Variants in FRMPD1 observed in about 807,000 individuals in gnomAD.
FRMPD1 encodes the protein FERM and PDZ domain-containing protein 1.
In FRMPD1, 76 loss-of-function variants were observed where a neutral mutation model predicts 117.8. The observed-to-expected ratio is 0.65, with a 90% CI of 0.54 to 0.78. The LOEUF (loss-of-function observed/expected upper bound fraction) is 0.78, where lower values mean the gene tolerates loss of function less well. Among genes scored for constraint, FRMPD1 ranks in the 30% least tolerant of loss-of-function variants. The pLI, the probability that FRMPD1 is intolerant of heterozygous loss-of-function variation, is 0.00. For synonymous variants in FRMPD1, 783 were observed against 770.4 expected, an observed-to-expected ratio of 1.02 and a Z score of -0.27; for missense variants, 1,786 against 1,964.5, an observed-to-expected ratio of 0.91 and a Z score of 1.72.
intron 1 of FRMPD1, among the ~76,000 whole-genome samples, chr9:37,681,176 G>A (rs1821716423): frequency 1.4e-5 from 2 of 139,276 alleles, no homozygotes; most frequent in South Asian, 4.4e-4. Context: ...TGGGGCCACT[G>A]CACTCCAGCC....
At position 37,744,377 on chromosome 9, in the gene FRMPD1, C is replaced by G; in HGVS notation, c.2357-12C>G. ...GTGCTTTTTAATGTATTTTTTCTTT[C>G]CTGACTCCCAGGGCCCAGAGATGTT... On this transcript the variant is annotated splice_polypyrimidine_tract_variant and intron_variant, in intron 15 of 15. Coordinates refer to ENST00000377765, the MANE Select transcript of FRMPD1 (RefSeq NM_014907.3). 2 of 1,554,764 alleles carry G rather than the reference C, an allele frequency of 1.3e-6. No homozygotes were observed. Among genetic ancestry groups the G allele is most frequent in the Non-Finnish European group, 1.7e-6 (2 of 1,151,480 alleles).
At chr9:37,707,603 G>T in intron 3 of FRMPD1, 30 bp downstream of exon 3, 1 of 1,597,358 alleles carries the variant, frequency 6.3e-7, no homozygotes, top group South Asian at 1.1e-5. Flanking sequence ...TGAGAAAGGA[G>T]TTTGGTTTCT....
intron 2 of FRMPD1, among the ~76,000 whole-genome samples, chr9:37,706,836 C>T (rs943709348): frequency 2.5e-4 from 38 of 152,180 alleles, no homozygotes; most frequent in Non-Finnish European, 1.5e-5. Context: ...CTGACAACTC[C>T]TTGTTTCTGC....
chr9:37,649,225 T>G (rs1732669467), upstream of FRMPD1, among the ~76,000 whole-genome samples: 1 of 152,258 alleles, frequency 6.6e-6, no homozygotes, highest in African/African-American at 2.4e-5. Flanking sequence ...GATTAATCTT[T>G]ATCTACAAAA....
At chr9:37,669,021 A>T (rs536272295) in intron 1 of FRMPD1, among the ~76,000 whole-genome samples, 2 of 152,144 alleles carry the variant, frequency 1.3e-5, no homozygotes, top group Non-Finnish European at 2.9e-5. Flanking sequence ...AGATGGTGCA[A>T]TGATGTCCTG....
the FRMPD1 span, among the ~76,000 whole-genome samples, chr9:37,627,168 T>C: frequency 6.6e-6 from 1 of 152,168 alleles, no homozygotes; most frequent in Non-Finnish European, 1.5e-5. Flanking sequence ...TAAAGTCCTC[T>C]GCCTTCCATC....
intron 4 of FRMPD1, 74 bp from the exon 5 acceptor site, chr9:37,711,276 C>CGTGA: frequency 1.1e-6 from 1 of 936,100 alleles, no homozygotes; most frequent in Non-Finnish European, 1.8e-6. Context: ...CACATGCTCA[C>CGTGA]ACATGTATGC....
At chr9:37,664,309 T>G (rs542829406) in intron 1 of FRMPD1, among the ~76,000 whole-genome samples, 45 of 152,020 alleles carry the variant, frequency 3.0e-4, no homozygotes, top group African/African-American at 7.7e-4. Context: ...ATGTATGTAT[T>G]TATTTATTTA....
At chr9:37,637,093 C>G in the FRMPD1 span, 1 of 1,580,922 alleles carries the variant, frequency 6.3e-7, no homozygotes, top group Middle Eastern at 1.7e-4. Context: ...AGAACCGTTC[C>G]TGGCCCGCCG....
At chr9:37,627,911 G>C in the FRMPD1 span, among the ~76,000 whole-genome samples, 1 of 152,142 alleles carries the variant, frequency 6.6e-6, no homozygotes, top group African/African-American at 2.4e-5. Flanking sequence ...GCCCACCCAG[G>C]TTTAAATTCA....
At chr9:37,709,913 C>T (rs188708487) in intron 4 of FRMPD1, among the ~76,000 whole-genome samples, 1 of 152,298 alleles carries the variant, frequency 6.6e-6, no homozygotes, top group Admixed American at 6.5e-5. Context: ...GGCTTCTGAG[C>T]AGGGATGCAT....
At chr9:37,631,854 T>C in the FRMPD1 span, among the ~76,000 whole-genome samples, 1 of 152,220 alleles carries the variant, frequency 6.6e-6, no homozygotes. Flanking sequence ...TCCTCCCACC[T>C]TAACCTCTCA....
chr9:37,746,462 T>G lies in FRMPD1; in HGVS notation c.4430T>G (p.Ile1477Ser), dbSNP rs764985836. ...CTCCTGTCGAGCTGTCGGCATGTGA[T>G]CAGAATGGACCAGTCCCCCGAAGAG... is the stretch of plus-strand genomic sequence containing the variant. ...QKLLSSCRHVIRMDQSPEEMQ... is the reference protein window; with the variant it reads ...QKLLSSCRHVSRMDQSPEEMQ... Residue 1477 changes from isoleucine to serine, a missense_variant, in exon 16 of 16, where the codon ATC (isoleucine) becomes AGC (serine). Coordinates refer to ENST00000377765, the MANE Select transcript of FRMPD1 (RefSeq NM_014907.3). The G allele has an allele frequency of 6.2e-7, 1 of 1,613,586 alleles. No homozygotes were observed. The highest frequency in any genetic ancestry group is 1.3e-5 in the African/African-American group (1 of 74,920).
intron 2 of FRMPD1, among the ~76,000 whole-genome samples, chr9:37,701,182 C>T (rs879269994): frequency 2.0e-5 from 3 of 152,190 alleles, no homozygotes. Context: ...TGGAAGATAA[C>T]GGAGCCTGCC....
At position 37,745,297 on chromosome 9, in the gene FRMPD1, A is replaced by G. The variant is rs143708927; in HGVS notation, c.3265A>G (p.Ile1089Val). The stretch of plus-strand genomic sequence containing the variant: ...TGAGCCTAGAAGTGATGAATGTGGA[A>G]TAAATCCAGGAGAGAAGATAGCTTC... ...RDEPRSDECG[I>V]NPGEKIASIP... The change falls in exon 16 of 16, where the codon ATA becomes GTA. Residue 1089 changes from isoleucine to valine, a missense_variant. Transcript: ENST00000377765. The G allele has an allele frequency of 6.2e-7, 1 of 1,611,824 alleles. No homozygotes were observed. Among genetic ancestry groups the G allele is most frequent in the Non-Finnish European group, 8.5e-7 (1 of 1,177,820 alleles).
intron 1 of FRMPD1, among the ~76,000 whole-genome samples, chr9:37,666,797 G>A (rs780942426): frequency 6.6e-6 from 1 of 152,160 alleles, no homozygotes; most frequent in Non-Finnish European, 1.5e-5. Context: ...AATGCATAAA[G>A]GAATGAAACG....
chr9:37,722,597 A>G (rs999960854), intron 6 of FRMPD1, among the ~76,000 whole-genome samples: 1 of 152,048 alleles, frequency 6.6e-6, no homozygotes, highest in African/African-American at 2.4e-5. Context: ...TAGTAGAGAC[A>G]AGGTTTCACC....
intron 1 of FRMPD1, among the ~76,000 whole-genome samples, chr9:37,679,929 C>T (rs930551516): frequency 6.6e-6 from 1 of 152,172 alleles, no homozygotes; most frequent in Non-Finnish European, 1.5e-5. Context: ...TGATGTGAGG[C>T]CTTACAGATC....
the FRMPD1 span, chr9:37,636,924 C>T: frequency 1.7e-5 from 27 of 1,608,240 alleles, no homozygotes; most frequent in Admixed American, 1.7e-4. Context: ...GTGGTGAGGT[C>T]GCTCTTGTTG....
Sources: allele counts gnomAD v4.1 joint callset (sites outside exome capture counted in the v4.1 genomes callset), GRCh38; gene constraint gnomAD v4.1.1; transcripts MANE v1.5; gene names NCBI Gene and HGNC (gene_info 2026-07-23, HGNC 2026-07-21).